COL5A2: variants seen among roughly 807,000 people sequenced by gnomAD.
The protein encoded by COL5A2 is collagen type V alpha 2 chain.
In COL5A2, 23 loss-of-function variants were observed where a neutral mutation model predicts 208.2. The observed-to-expected ratio is 0.11, with a 90% CI of 0.08 to 0.16. The LOEUF (loss-of-function observed/expected upper bound fraction) is 0.16. Among genes scored for constraint, COL5A2 ranks in the 10% least tolerant of loss-of-function variants. COL5A2 has a pLI of 1.00. For missense variants in COL5A2, 1,590 were observed against 1,956.4 expected, an observed-to-expected ratio of 0.81 and a Z score of 3.53; for synonymous variants, 625 against 628.5, an observed-to-expected ratio of 0.99 and a Z score of 0.08.
At chr2:189,293,793 G>A in the COL5A2 span, among the ~76,000 whole-genome samples, 2 of 152,082 alleles carry the variant, frequency 1.3e-5, no homozygotes, top group Admixed American at 1.3e-4. Context: ...TTGATTAAAA[G>A]CAACCCAGAG....
At chr2:189,174,365 G>A (rs4516461) in intron 1 of COL5A2, among the ~76,000 whole-genome samples, 3 of 152,218 alleles carry the variant, frequency 2.0e-5, no homozygotes, top group Admixed American at 6.5e-5. Flanking sequence ...TCCACCATGA[G>A]GGGTATTTGG....
At chr2:189,035,774 T>A (rs1685432873) in intron 52 of COL5A2, among the ~76,000 whole-genome samples, 1 of 152,104 alleles carries the variant, frequency 6.6e-6, no homozygotes, top group Admixed American at 6.6e-5. Context: ...ACACCCATAA[T>A]GTTCTCATAA....
At chr2:189,216,094 AT>A (rs1303042732) in intron 1 of COL5A2, among the ~76,000 whole-genome samples, 1 of 152,186 alleles carries the variant, frequency 6.6e-6, no homozygotes, top group Non-Finnish European at 1.5e-5. Context: ...GGTTTCAATT[AT>A]GTGTGAGCCC....
the COL5A2 span, among the ~76,000 whole-genome samples, chr2:189,335,784 T>C: frequency 4.7e-3 from 717 of 152,116 alleles, 7 homozygotes; most frequent in African/African-American, 0.016. Context: ...TGAGTGCTAA[T>C]AGATATGGGG....
the COL5A2 span, among the ~76,000 whole-genome samples, chr2:189,419,393 G>A: frequency 6.6e-6 from 1 of 152,014 alleles, no homozygotes; most frequent in African/African-American, 2.4e-5. Flanking sequence ...GGCAATCTAG[G>A]AACAAGATGT....
chr2:189,105,552 T>C (rs577456569), intron 2 of COL5A2, among the ~76,000 whole-genome samples: 2 of 151,540 alleles, frequency 1.3e-5, no homozygotes, highest in East Asian at 1.9e-4. Flanking sequence ...TATTAGGTTA[T>C]TGATATTTTA....
intron 1 of COL5A2, among the ~76,000 whole-genome samples, chr2:189,219,633 C>T (rs1055230328): frequency 1.3e-5 from 2 of 152,114 alleles, no homozygotes; most frequent in South Asian, 4.1e-4. Context: ...AATTATAGAT[C>T]CCACAGTTTC....
rs1447370523 is a variant in COL5A2 at position 189,042,758 on chromosome 2, G to C, written c.3487C>G (p.Gln1163Glu). The C allele has an allele frequency of 6.2e-7, 1 of 1,606,712 alleles. No homozygotes were observed. The highest frequency in any genetic ancestry group is 1.7e-5 in the Admixed American group (1 of 59,426). ...LPGPPGPNGE[Q>E]GSAGIPGPFG... is the part of the protein sequence containing the mutation. The stretch of plus-strand genomic sequence containing the variant: ...GGTCCAGGGATTCCAGCACTTCCTT[G>C]TTCACCATTTGGACCCTAAGTAGGA... The change falls in exon 49 of 54, where the codon CAA becomes GAA. Residue 1163 changes from glutamine (Q) to glutamate (E), a missense_variant. Gln to Glu is a conservative substitution (Grantham distance 29, BLOSUM62 2). Coordinates refer to ENST00000374866, the MANE Select transcript of COL5A2 (RefSeq NM_000393.5).
At chr2:189,287,579 G>A in the COL5A2 span, among the ~76,000 whole-genome samples, 1 of 152,148 alleles carries the variant, frequency 6.6e-6, no homozygotes. Flanking sequence ...GGTGAGATAA[G>A]ACTTGTACCC....
At chr2:189,335,506 A>G in the COL5A2 span, among the ~76,000 whole-genome samples, 1 of 152,100 alleles carries the variant, frequency 6.6e-6, no homozygotes, top group African/African-American at 2.4e-5. Flanking sequence ...AAACCTGAAC[A>G]TTGATATTTA....
chr2:189,333,426 C>T, the COL5A2 span, among the ~76,000 whole-genome samples: 14 of 152,114 alleles, frequency 9.2e-5, no homozygotes, highest in Non-Finnish European at 1.8e-4. Flanking sequence ...AATTTTATTC[C>T]AATGAATTTG....
At chr2:189,414,753 C>CAA in the COL5A2 span, among the ~76,000 whole-genome samples, 184 of 70,116 alleles carry the variant, frequency 2.6e-3, no homozygotes, top group Middle Eastern at 7.7e-3. Context: ...GACTCTGTCT[C>CAA]AAAAAAAAAA....
At chr2:189,323,340 G>GAAAT in the COL5A2 span, among the ~76,000 whole-genome samples, 15 of 152,258 alleles carry the variant, frequency 9.9e-5, no homozygotes, top group Admixed American at 7.2e-4. Context: ...GCAGGAGAAG[G>GAAAT]AAATAAAGGG....
At chr2:189,223,662 C>T (rs1224577531) in intron 1 of COL5A2, among the ~76,000 whole-genome samples, 2 of 152,108 alleles carry the variant, frequency 1.3e-5, no homozygotes, top group East Asian at 1.9e-4. Flanking sequence ...CACAATTATG[C>T]AAAAATCTTT....
intron 1 of COL5A2, among the ~76,000 whole-genome samples, chr2:189,207,491 A>T (rs948340515): frequency 1.3e-5 from 2 of 152,210 alleles, no homozygotes; most frequent in African/African-American, 4.8e-5. Context: ...TCTGTTATCA[A>T]GCATCCATTA....
At chr2:189,173,452 T>C (rs1688612929) in intron 1 of COL5A2, among the ~76,000 whole-genome samples, 1 of 152,208 alleles carries the variant, frequency 6.6e-6, no homozygotes, top group African/African-American at 2.4e-5. Context: ...GTTGCCAATA[T>C]GGTCACACCT....
chr2:189,167,242 T>C (rs1423195424), intron 1 of COL5A2, among the ~76,000 whole-genome samples: 1 of 152,206 alleles, frequency 6.6e-6, no homozygotes, highest in Non-Finnish European at 1.5e-5. Context: ...TTGGCAACTT[T>C]ACAAGATGTA....
At chr2:189,255,423 C>T in the COL5A2 span, among the ~76,000 whole-genome samples, 1 of 152,084 alleles carries the variant, frequency 6.6e-6, no homozygotes, top group Non-Finnish European at 1.5e-5. Context: ...CTTATTTTCC[C>T]CAACCCCAAC....
chr2:189,347,017 T>A, the COL5A2 span, among the ~76,000 whole-genome samples: 1 of 151,974 alleles, frequency 6.6e-6, no homozygotes, highest in Non-Finnish European at 1.5e-5. Flanking sequence ...AGGAAGGAAG[T>A]CTTGTCTCCT....
Sources: gnomAD v4.1 joint callset for allele counts (sites outside exome capture counted in the v4.1 genomes callset) on GRCh38, gnomAD v4.1.1 for gene constraint, MANE v1.5 for transcripts, NCBI Gene and HGNC (gene_info 2026-07-23, HGNC 2026-07-21) for gene names.